The following CDH12 variants were observed in gnomAD, a reference collection of about 807,000 sequenced individuals.
CDH12 encodes the protein cadherin-12.
Under a neutral mutation model 74.1 loss-of-function variants are expected in CDH12, and 41 were observed. The observed-to-expected ratio is 0.55, with a 90% confidence interval of 0.43 to 0.72. The LOEUF is 0.72. Among genes scored for constraint, CDH12 ranks in the 30% least tolerant of loss-of-function variants. The pLI is 0.00. For synonymous variants in CDH12, 399 were observed against 355.0 expected (o/e 1.12, Z -1.39); for missense variants, 945 against 977.2 (o/e 0.97, Z 0.44).
chr5:22,416,366 C>T (rs1307758695), intron 2 of CDH12, among the ~76,000 whole-genome samples: 2 of 152,016 alleles, frequency 1.3e-5, no homozygotes, highest in African/African-American at 4.8e-5. Flanking sequence ...TGAGCCACCG[C>T]GCCCGGCCTG....
chr5:22,614,124 C>T (rs931316076), intron 1 of CDH12, among the ~76,000 whole-genome samples: 9 of 151,984 alleles, frequency 5.9e-5, no homozygotes, highest in East Asian at 1.9e-4. Context: ...TCAATATAGA[C>T]GCTCTTAGTA....
At chr5:22,072,922 C>G (rs1742055902) in intron 5 of CDH12, among the ~76,000 whole-genome samples, 1 of 152,084 alleles carries the variant, frequency 6.6e-6, no homozygotes, top group South Asian at 2.1e-4. Context: ...TTAGCTTAAG[C>G]ATCCACTGGG....
At chr5:22,768,035 G>A (rs1746610424) in intron 1 of CDH12, among the ~76,000 whole-genome samples, 1 of 151,778 alleles carries the variant, frequency 6.6e-6, no homozygotes, top group Admixed American at 6.6e-5. Flanking sequence ...AAAAAGACAA[G>A]GAAAATTTGA....
intron 3 of CDH12, among the ~76,000 whole-genome samples, chr5:22,339,341 C>T (rs974277862): frequency 9.2e-5 from 14 of 152,188 alleles, no homozygotes; most frequent in South Asian, 6.2e-4. Flanking sequence ...TTCTCTACAT[C>T]GTAATGACTT....
chr5:22,338,472 C>CA (rs879462523), intron 3 of CDH12, among the ~76,000 whole-genome samples: 53 of 139,244 alleles, frequency 3.8e-4, no homozygotes, highest in Middle Eastern at 3.5e-3. Context: ...TTAATGGGTA[C>CA]AAAAAAAAAA....
At chr5:22,762,225 C>T (rs1746264501) in intron 1 of CDH12, among the ~76,000 whole-genome samples, 1 of 151,846 alleles carries the variant, frequency 6.6e-6, no homozygotes, top group African/African-American at 2.4e-5. Context: ...AATATATATA[C>T]ATAAAGAAAA....
At chr5:21,879,745 G>C (rs1752142209) in intron 6 of CDH12, among the ~76,000 whole-genome samples, 1 of 152,154 alleles carries the variant, frequency 6.6e-6, no homozygotes, top group Non-Finnish European at 1.5e-5. Flanking sequence ...GTTTAAGGGA[G>C]AGTGAATTAT....
intron 11 of CDH12, among the ~76,000 whole-genome samples, chr5:21,773,593 A>G (rs572356645): frequency 2.0e-5 from 3 of 152,098 alleles, no homozygotes; most frequent in African/African-American, 7.2e-5. Flanking sequence ...TGCCTTCCCT[A>G]TTTTTGAGGT....
chr5:22,035,174 T>A (rs757673288), intron 5 of CDH12, among the ~76,000 whole-genome samples: 1 of 152,160 alleles, frequency 6.6e-6, no homozygotes. Flanking sequence ...TCAGTCCCTG[T>A]CTTCATTCAC....
chr5:22,780,698 G>A (rs1747344172), intron 1 of CDH12, among the ~76,000 whole-genome samples: 1 of 152,146 alleles, frequency 6.6e-6, no homozygotes, highest in Non-Finnish European at 1.5e-5. Flanking sequence ...AGAGTTGGGT[G>A]GGAACACAGC....
At chr5:21,783,871 A>G (rs1746054979) in intron 10 of CDH12, among the ~76,000 whole-genome samples, 1 of 152,152 alleles carries the variant, frequency 6.6e-6, no homozygotes, top group African/African-American at 2.4e-5. Context: ...AAGCACTGGA[A>G]ACAACTACAA....
chr5:22,064,175 T>C (rs565089414), intron 5 of CDH12, among the ~76,000 whole-genome samples: 2 of 152,264 alleles, frequency 1.3e-5, no homozygotes, highest in Non-Finnish European at 2.9e-5. Flanking sequence ...ATACTGTTCA[T>C]GGTACGTGAA....
At chr5:22,390,050 C>G (rs1742172165) in intron 3 of CDH12, among the ~76,000 whole-genome samples, 1 of 151,800 alleles carries the variant, frequency 6.6e-6, no homozygotes, top group African/African-American at 2.4e-5. Flanking sequence ...CACGCACACG[C>G]TAGGTATTGG....
intron 4 of CDH12, among the ~76,000 whole-genome samples, chr5:22,205,655 G>C (rs899617445): frequency 2.2e-4 from 33 of 152,100 alleles, no homozygotes; most frequent in Non-Finnish European, 3.5e-4. Flanking sequence ...AGTTTTGGGA[G>C]AGAAGAAAGT....
At chr5:22,648,816 A>G (rs749905972) in intron 1 of CDH12, among the ~76,000 whole-genome samples, 1 of 151,950 alleles carries the variant, frequency 6.6e-6, no homozygotes, top group Non-Finnish European at 1.5e-5. Flanking sequence ...TCTCAAAGTG[A>G]CATAAATGAC....
intron 4 of CDH12, among the ~76,000 whole-genome samples, chr5:22,146,791 T>C (rs1747214763): frequency 6.6e-6 from 1 of 152,266 alleles, no homozygotes; most frequent in African/African-American, 2.4e-5. Context: ...GGGTTTTCTC[T>C]TAAAGTAAGC....
chr5:22,554,416 A>G (rs1738709250), intron 1 of CDH12, among the ~76,000 whole-genome samples: 1 of 152,180 alleles, frequency 6.6e-6, no homozygotes, highest in African/African-American at 2.4e-5. Flanking sequence ...GACAGTGAGT[A>G]TATGAGAAAT....
intron 1 of CDH12, among the ~76,000 whole-genome samples, chr5:22,778,578 T>C (rs1330328317): frequency 1.3e-5 from 2 of 152,174 alleles, no homozygotes; most frequent in Non-Finnish European, 2.9e-5. Context: ...ATAATGTGTT[T>C]GGCATCAATA....
intron 2 of CDH12, among the ~76,000 whole-genome samples, chr5:22,410,972 G>A (rs1743146682): frequency 6.6e-6 from 1 of 151,930 alleles, no homozygotes; most frequent in Non-Finnish European, 1.5e-5. Context: ...GGAAATAAAA[G>A]TGAGTCTAGG....
Sources: allele counts gnomAD v4.1 joint callset (sites outside exome capture counted in the v4.1 genomes callset), GRCh38; gene constraint gnomAD v4.1.1; transcripts MANE v1.5; gene names NCBI Gene and HGNC (gene_info 2026-07-23, HGNC 2026-07-21).